Variants in WWOX observed in about 807,000 individuals in gnomAD.
WWOX encodes the protein WW domain-containing oxidoreductase.
WWOX carries 69 observed loss-of-function variants against 46.2 expected under a neutral mutation model. The observed-to-expected ratio is 1.49, with a 90% confidence interval of 1.23 to 1.82. The LOEUF (loss-of-function observed/expected upper bound fraction) is 1.82, where lower values mean the gene tolerates loss of function less well. Among genes scored for constraint, WWOX ranks in the 40% most tolerant of loss-of-function variants. The pLI is 0.00. For synonymous variants in WWOX, 359 were observed against 202.6 expected (o/e 1.77, Z -6.56); for missense variants, 919 against 542.6 (o/e 1.69, Z -6.89).
chr16:78,333,043 CTTTTTTTTT>C (rs11289222), intron 5 of WWOX, among the ~76,000 whole-genome samples: 14 of 57,090 alleles, frequency 2.5e-4, no homozygotes, highest in African/African-American at 6.0e-4. Context: ...GAGCATTATA[CTTTTTTTTT>C]TTTTTTTTTT....
chr16:79,148,989 G>A (rs749258504), intron 8 of WWOX, among the ~76,000 whole-genome samples: 5 of 152,092 alleles, frequency 3.3e-5, no homozygotes, highest in Non-Finnish European at 5.9e-5. Flanking sequence ...TATGCAAATA[G>A]AGAATTTTAT....
intron 8 of WWOX, among the ~76,000 whole-genome samples, chr16:79,192,817 A>G (rs1287156025): frequency 1.3e-5 from 2 of 152,208 alleles, no homozygotes; most frequent in African/African-American, 4.8e-5. Flanking sequence ...CAACTCTGTC[A>G]TTCACCAGCT....
intron 8 of WWOX, among the ~76,000 whole-genome samples, chr16:79,026,988 A>C (rs1312584220): frequency 6.6e-6 from 1 of 151,414 alleles, no homozygotes; most frequent in African/African-American, 2.4e-5. Flanking sequence ...AGAAAAGTTA[A>C]CACAGTGGAG....
chr16:78,745,578 C>T (rs16948433), intron 8 of WWOX, among the ~76,000 whole-genome samples: 1 of 117,966 alleles, frequency 8.5e-6, no homozygotes, highest in Non-Finnish European at 1.7e-5. Context: ...GGAAATGTAA[C>T]ATTTTAAAGC....
chr16:78,769,968 C>G (rs1331596124), intron 8 of WWOX, among the ~76,000 whole-genome samples: 1 of 152,108 alleles, frequency 6.6e-6, no homozygotes, highest in Middle Eastern at 3.2e-3. Context: ...CGCTTGAGCT[C>G]AAGAGGTTGA....
chr16:78,830,459 C>T (rs2051788580), intron 8 of WWOX, among the ~76,000 whole-genome samples: 2 of 152,144 alleles, frequency 1.3e-5, no homozygotes, highest in East Asian at 1.9e-4. Context: ...TAGTACCTAT[C>T]TGACTATTTT....
rs116237847 is a variant in WWOX, at chr16:78,191,877, C to T, written c.516+27588C>T. Among the ~76,000 whole-genome samples the T allele has an allele frequency of 5.3e-3, 803 of 152,178 alleles. 8 individuals are homozygous for T. Among genetic ancestry groups the T allele is most frequent in the African/African-American group, 0.019 (769 of 41,506 alleles). On this transcript the variant is annotated intron_variant, in intron 5 of 8. Coordinates refer to ENST00000566780, the MANE Select transcript of WWOX (RefSeq NM_016373.4). ...TTCCTCAGGAGTGATGGATGGAATG[C>T]CTGTACTTGGAATATTTTTAAATTA...
At chr16:78,859,839 T>A (rs1368897893) in intron 8 of WWOX, among the ~76,000 whole-genome samples, 3 of 10,360 alleles carry the variant, frequency 2.9e-4, no homozygotes, top group Non-Finnish European at 1.5e-3. Flanking sequence ...TTAACAGTGA[T>A]TTTTTTTTTA....
intron 5 of WWOX, among the ~76,000 whole-genome samples, chr16:78,362,940 A>T (rs912297902): frequency 6.6e-6 from 1 of 152,162 alleles, no homozygotes; most frequent in Non-Finnish European, 1.5e-5. Context: ...GTTGCATGGG[A>T]CAGTGTCCAG....
At chr16:78,328,488 AGAT>A (rs571135870) in intron 5 of WWOX, among the ~76,000 whole-genome samples, 22 of 152,326 alleles carry the variant, frequency 1.4e-4, no homozygotes, top group African/African-American at 4.3e-4. Context: ...GTTGCTGGTA[AGAT>A]GATGATGATA....
chr16:78,350,100 G>A lies in WWOX; in HGVS notation c.517-36760G>A, dbSNP rs533610708. 2.2e-4 allele frequency among the ~76,000 whole-genome samples: 26 copies of A among 120,472 alleles called. 9 individuals carry two copies. Among genetic ancestry groups the A allele is most frequent in the Admixed American group, 1.2e-3 (15 of 12,360 alleles). 79.0% of individuals were successfully genotyped at this position (120,472 alleles called of 152,430 possible). A position where few individuals can be genotyped will look rare whatever the true frequency, so the allele number is the denominator to read the frequency against. Reference sequence around the variant, plus strand: ...GACCATGTCACTTAAGTTTCTTACCGTGATCTCCAACAGCTAGGCAATATT... The same window carrying A: ...GACCATGTCACTTAAGTTTCTTACCATGATCTCCAACAGCTAGGCAATATT... On this transcript the variant is annotated intron_variant, in intron 5 of 8. Transcript: ENST00000566780.
At chr16:79,031,041 C>T (rs889782810) in intron 8 of WWOX, among the ~76,000 whole-genome samples, 7 of 147,814 alleles carry the variant, frequency 4.7e-5, no homozygotes, top group East Asian at 2.0e-4. Flanking sequence ...CGCAGTGAGC[C>T]GAGATCGAGT....
chr16:78,400,386 G>A (rs1187977603), intron 6 of WWOX, among the ~76,000 whole-genome samples: 2 of 152,140 alleles, frequency 1.3e-5, no homozygotes, highest in African/African-American at 4.8e-5. Flanking sequence ...GAGACTGACA[G>A]GGCGGTTCCC....
At chr16:78,948,389 C>G (rs989709901) in intron 8 of WWOX, among the ~76,000 whole-genome samples, 1 of 152,182 alleles carries the variant, frequency 6.6e-6, no homozygotes, top group Non-Finnish European at 1.5e-5. Flanking sequence ...TAACAGATCT[C>G]AGAACTTGTA....
At chr16:78,416,202 C>G (rs1166698753) in intron 6 of WWOX, among the ~76,000 whole-genome samples, 1 of 152,194 alleles carries the variant, frequency 6.6e-6, no homozygotes, top group African/African-American at 2.4e-5. Context: ...ATAGTTTGAA[C>G]TTTTCCTTTT....
chr16:78,332,381 C>T (rs1052572573), intron 5 of WWOX, among the ~76,000 whole-genome samples: 21 of 152,284 alleles, frequency 1.4e-4, no homozygotes, highest in African/African-American at 4.8e-4. Flanking sequence ...ATGGGTATTT[C>T]CTCTGTGCAA....
intron 8 of WWOX, among the ~76,000 whole-genome samples, chr16:79,117,586 C>T (rs957329950): frequency 5.9e-5 from 9 of 152,220 alleles, no homozygotes; most frequent in African/African-American, 1.4e-4. Flanking sequence ...CCTTCTCCTC[C>T]CTAGCTCTCA....
chr16:78,403,705 C>G (rs1463868432), intron 6 of WWOX, among the ~76,000 whole-genome samples: 3 of 152,188 alleles, frequency 2.0e-5, no homozygotes, highest in Non-Finnish European at 4.4e-5. Flanking sequence ...TGGGGGCTCC[C>G]CAGATTGTCC....
chr16:78,480,618 C>G (rs765849970), intron 8 of WWOX, among the ~76,000 whole-genome samples: 3 of 152,204 alleles, frequency 2.0e-5, no homozygotes, highest in Non-Finnish European at 4.4e-5. Flanking sequence ...CATATTGGCT[C>G]TCAATTTAAA....
Sources: allele counts gnomAD v4.1 joint callset (sites outside exome capture counted in the v4.1 genomes callset), GRCh38; gene constraint gnomAD v4.1.1; transcripts MANE v1.5; gene names NCBI Gene and HGNC (gene_info 2026-07-23, HGNC 2026-07-21).